EYS: variants seen among roughly 807,000 people sequenced by gnomAD.
The protein encoded by EYS is EGF-like photoreceptor maintenance factor.
Under a neutral mutation model 282.1 loss-of-function variants are expected in EYS, and 250 were observed. The ratio of observed to expected loss-of-function variants is 0.89; its 90% CI spans 0.80 to 0.98. The LOEUF is 0.98. Ranked by LOEUF, EYS falls within the 50% of genes least tolerant of loss-of-function variation. EYS has a pLI of 0.00. For missense variants in EYS, 4,016 were observed against 3,709.0 expected, an observed-to-expected ratio of 1.08 and a Z score of -2.15; for synonymous variants, 1,355 against 1,282.9, an observed-to-expected ratio of 1.06 and a Z score of -1.20.
At chr6:64,197,833 TAC>T (rs983445211) in intron 31 of EYS, among the ~76,000 whole-genome samples, 25 of 151,912 alleles carry the variant, frequency 1.6e-4, no homozygotes, top group African/African-American at 6.0e-4. Flanking sequence ...TTTTATTTCT[TAC>T]ACATTTCAAA....
At chr6:64,441,161 T>A (rs1325606857) in intron 26 of EYS, among the ~76,000 whole-genome samples, 2 of 152,108 alleles carry the variant, frequency 1.3e-5, no homozygotes, top group Non-Finnish European at 2.9e-5. Flanking sequence ...GAAGATGAAG[T>A]CCTTAGTGAC....
chr6:64,537,316 G>GAAC (rs1205603799), intron 26 of EYS, among the ~76,000 whole-genome samples: 7 of 151,154 alleles, frequency 4.6e-5, no homozygotes, highest in Middle Eastern at 6.8e-3. Context: ...TTTCATCCAT[G>GAAC]TCCCTACAAA....
intron 13 of EYS, among the ~76,000 whole-genome samples, chr6:65,027,215 C>T (rs1182787607): frequency 6.6e-6 from 1 of 152,096 alleles, no homozygotes; most frequent in Non-Finnish European, 1.5e-5. Flanking sequence ...TCAATCAAAA[C>T]TCTTGTTTCT....
At position 65,607,423 on chromosome 6, in the gene EYS, A is replaced by G. The variant is rs9453340; in HGVS notation, c.-333+32355T>C. On this transcript the variant is annotated intron_variant, in intron 2 of 42. Transcript: ENST00000503581. ...TCTTGACAACTTTTCTGCAAATTTC[A>G]TTGTAACAGAACCAATACAATTAAT... 5.5e-4 allele frequency among the ~76,000 whole-genome samples: 83 copies of G among 151,926 alleles called. 1 individual carries two copies. The highest frequency in any genetic ancestry group is 1.9e-3 in the African/African-American group (78 of 41,520).
chr6:63,799,206 G>T (rs1770724679), intron 37 of EYS, among the ~76,000 whole-genome samples: 1 of 151,424 alleles, frequency 6.6e-6, no homozygotes, highest in African/African-American at 2.4e-5. Flanking sequence ...TAGAGACAGG[G>T]TCTTGCCATG....
chr6:64,308,912 G>T (rs1769563005), intron 29 of EYS, among the ~76,000 whole-genome samples: 1 of 152,026 alleles, frequency 6.6e-6, no homozygotes, highest in South Asian at 2.1e-4. Flanking sequence ...TGCTGCAGTT[G>T]GGAAAGTACT....
At chr6:64,072,733 A>C (rs897676333) in intron 32 of EYS, among the ~76,000 whole-genome samples, 5 of 151,940 alleles carry the variant, frequency 3.3e-5, no homozygotes, top group African/African-American at 7.2e-5. Context: ...ATCCTGCTCC[A>C]TTCTATCGTT....
chr6:65,704,180 C>T (rs1217818237), intron 1 of EYS, among the ~76,000 whole-genome samples: 1 of 152,306 alleles, frequency 6.6e-6, no homozygotes, highest in Middle Eastern at 3.4e-3. Context: ...AATCACATAA[C>T]TCATAATCCT....
Position 64,332,380 on chromosome 6 carries a change from A to G in EYS, c.6079-25298T>C, listed in dbSNP as rs375382367. Among the ~76,000 whole-genome samples the G allele has an allele frequency of 7.2e-5, 11 of 152,340 alleles. No individual in the cohort carries two copies. The South Asian group carries it at 2.3e-3, about 32-fold the overall frequency. ...GTAAATACAAGGGTGGGTAAGGAAA[A>G]GAATACCTGTTAGTCTCACAGATGC... is the stretch of plus-strand genomic sequence containing the variant. On this transcript the variant is annotated intron_variant, in intron 29 of 42. Coordinates refer to ENST00000503581, the MANE Select transcript of EYS (RefSeq NM_001142800.2).
chr6:64,991,075 T>C (rs1771045677), intron 14 of EYS, among the ~76,000 whole-genome samples: 1 of 151,524 alleles, frequency 6.6e-6, no homozygotes, highest in African/African-American at 2.4e-5. Context: ...GAATTTAAGT[T>C]CTATTTTAGT....
At chr6:64,644,068 A>C (rs1768270138) in intron 22 of EYS, among the ~76,000 whole-genome samples, 1 of 152,214 alleles carries the variant, frequency 6.6e-6, no homozygotes, top group Admixed American at 6.5e-5. Context: ...AAGTTTTCTT[A>C]TATGACCTGA....
intron 5 of EYS, among the ~76,000 whole-genome samples, chr6:65,462,849 T>C (rs577476416): frequency 1.7e-4 from 26 of 152,268 alleles, no homozygotes; most frequent in African/African-American, 5.8e-4. Context: ...TTTTAACATG[T>C]ACACATTTCA....
intron 26 of EYS, among the ~76,000 whole-genome samples, chr6:64,588,496 T>C (rs2149829658): frequency 1.3e-5 from 2 of 152,126 alleles, no homozygotes; most frequent in South Asian, 4.1e-4. Flanking sequence ...TTTTCTAGTC[T>C]CCTCCCTGTC....
chr6:63,937,557 A>G (rs373637499), intron 35 of EYS, among the ~76,000 whole-genome samples: 5 of 149,366 alleles, frequency 3.3e-5, no homozygotes, highest in Non-Finnish European at 7.4e-5. Flanking sequence ...ATTTTTTTGT[A>G]TTTTTAGTAG....
At chr6:65,161,761 G>T (rs1368265856) in intron 12 of EYS, among the ~76,000 whole-genome samples, 3 of 151,108 alleles carry the variant, frequency 2.0e-5, no homozygotes, top group Non-Finnish European at 3.0e-5. Flanking sequence ...TATGTATTGT[G>T]AAGCAATATG....
intron 1 of EYS, among the ~76,000 whole-genome samples, chr6:65,657,253 T>C (rs9351515): frequency 0.051 from 7,749 of 151,922 alleles, 457 homozygotes; most frequent in East Asian, 0.33. Context: ...CTGTAGCCCA[T>C]GGATTGAGGA....
At position 65,173,324 on chromosome 6, in the gene EYS, G is replaced by A. The variant is rs188123432; in HGVS notation, c.2024-115597C>T. On this transcript the variant is annotated intron_variant, in intron 12 of 42. Transcript: ENST00000503581. ...TAGAACTGTAAAATATTTAGCAGGA[G>A]TGAATGAGACAGAACTTCTTGCTAC... 1.1e-3 allele frequency among the ~76,000 whole-genome samples: 173 copies of A among 151,504 alleles called. 1 individual carries two copies. The highest frequency in any genetic ancestry group is 4.0e-3 in the African/African-American group (166 of 41,480).
At chr6:64,617,995 T>C (rs374810246) in intron 23 of EYS, among the ~76,000 whole-genome samples, 16 of 152,302 alleles carry the variant, frequency 1.1e-4, no homozygotes, top group African/African-American at 3.8e-4. Flanking sequence ...GTGATACTTG[T>C]AGTATTACAG....
chr6:64,060,765 T>C (rs147946683), intron 33 of EYS, among the ~76,000 whole-genome samples: 2,017 of 152,294 alleles, frequency 0.013, 44 homozygotes, highest in African/African-American at 0.046. Flanking sequence ...TTTTGTTTTC[T>C]GAACCAAATA....
Sources: gnomAD v4.1 joint callset for allele counts (sites outside exome capture counted in the v4.1 genomes callset) on GRCh38, gnomAD v4.1.1 for gene constraint, MANE v1.5 for transcripts, NCBI Gene and HGNC (gene_info 2026-07-23, HGNC 2026-07-21) for gene names.